Variants in DCX observed in about 807,000 individuals in gnomAD.
The protein encoded by DCX is neuronal migration protein doublecortin.
DCX carries 4 observed loss-of-function variants against 20.9 expected under a neutral mutation model. The observed-to-expected ratio is 0.19, with a 90% confidence interval of 0.09 to 0.44. DCX has a LOEUF of 0.44. Ranked by LOEUF, DCX falls within the 20% of genes least tolerant of loss-of-function variation. DCX has a pLI of 0.99. For missense variants in DCX, 133 were observed against 296.9 expected, an observed-to-expected ratio of 0.45 and a Z score of 4.06; for synonymous variants, 103 against 111.4, an observed-to-expected ratio of 0.92 and a Z score of 0.47.
intron 3 of DCX, among the ~76,000 whole-genome samples, chrX:111,350,944 G>A (rs945695476): frequency 9.0e-6 from 1 of 111,705 alleles, no homozygotes; most frequent in Admixed American, 9.5e-5. Flanking sequence ...CAAGTGAAAG[G>A]GGTTTCCCCC....
intron 5 of DCX, among the ~76,000 whole-genome samples, chrX:111,319,443 T>C (rs775789335): frequency 9.0e-6 from 1 of 111,444 alleles, no homozygotes; most frequent in East Asian, 2.8e-4. Context: ...AGAACATACA[T>C]ACATACAACC....
intron 3 of DCX, among the ~76,000 whole-genome samples, chrX:111,383,846 G>A (rs1280327485): frequency 9.0e-6 from 1 of 111,074 alleles, no homozygotes; most frequent in Admixed American, 9.6e-5. Flanking sequence ...TCTAGGCATT[G>A]AACCTTCTAA....
chrX:111,410,503 A>T (rs1280911575), intron 1 of DCX, 83 bp from the exon 2 acceptor site: 2 of 1,138,038 alleles, frequency 1.8e-6, no homozygotes, highest in African/African-American at 3.6e-5. Flanking sequence ...GGGATTTTAA[A>T]TATTAGCCAG....
At chrX:111,407,550 T>A (rs1406916927) in intron 2 of DCX, among the ~76,000 whole-genome samples, 1 of 111,364 alleles carries the variant, frequency 9.0e-6, no homozygotes, top group Non-Finnish European at 1.9e-5. Flanking sequence ...AAATGGGTAT[T>A]GAGGTCCACT....
At chrX:111,381,402 A>G (rs918472734) in intron 3 of DCX, among the ~76,000 whole-genome samples, 2 of 110,287 alleles carry the variant, frequency 1.8e-5, no homozygotes, top group Admixed American at 2.0e-4. Flanking sequence ...ATATATATCA[A>G]TTGGGACACT....
chrX:111,311,749 T>G (rs1051775789), intron 6 of DCX, among the ~76,000 whole-genome samples: 5 of 112,589 alleles, frequency 4.4e-5, no homozygotes, highest in Admixed American at 2.8e-4. Flanking sequence ...CAAATAAAAC[T>G]AATTTATCTC....
rs757481095 is a variant in DCX, at chrX:111,311,542, C to T, written c.1044+1097G>A. On this transcript the variant is annotated intron_variant, in intron 6 of 6. Coordinates refer to ENST00000636035, the MANE Select transcript of DCX (RefSeq NM_001195553.2). Reference sequence around the variant, plus strand: ...CAAATTCAAGTTAAAAACGTGATGTCACTCAATACAGAGTTGAGAAGCAAT... The same window carrying T: ...CAAATTCAAGTTAAAAACGTGATGTTACTCAATACAGAGTTGAGAAGCAAT... 8.1e-4 allele frequency among the ~76,000 whole-genome samples: 91 copies of T among 111,756 alleles called. 1 individual carries two copies. The highest frequency in any genetic ancestry group is 2.6e-3 in the African/African-American group (81 of 30,780).
intron 3 of DCX, among the ~76,000 whole-genome samples, chrX:111,387,489 C>G (rs183518764): frequency 2.3e-4 from 26 of 111,613 alleles, no homozygotes; most frequent in African/African-American, 7.8e-4. Flanking sequence ...TCAGAGAAAT[C>G]TGGGAAAGCA....
intron 5 of DCX, among the ~76,000 whole-genome samples, 192 bp from the exon 6 acceptor site, chrX:111,312,928 G>C (rs1362706165): frequency 1.8e-5 from 2 of 111,812 alleles, no homozygotes; most frequent in African/African-American, 6.5e-5. Context: ...TCAGTTAATT[G>C]GATCCCTATG....
In DCX at chrX:111,410,584, C is replaced by T. The variant is rs987175249; in HGVS notation, c.-22-164G>A. 17 of 842,175 alleles carry T rather than the reference C, an allele frequency of 2.0e-5. No homozygotes were observed. The African/African-American group carries it at 2.7e-4, about 13-fold the overall frequency. The allele number at this position is 842,175 out of a possible 1,213,427, so 69.4% of individuals were successfully genotyped here. A position where few individuals can be genotyped will look rare whatever the true frequency, so the allele number is the denominator to read the frequency against. On this transcript the variant is annotated intron_variant, in intron 1 of 6. Coordinates refer to ENST00000636035, the MANE Select transcript of DCX (RefSeq NM_001195553.2). ...AAGCCTGTGACCCATCTGCTGCTTG[C>T]CCCTGACCTGCAGGAATATTGATCT... is the stretch of plus-strand genomic sequence containing the variant.
intron 3 of DCX, among the ~76,000 whole-genome samples, chrX:111,381,243 C>G (rs1284502533): frequency 2.7e-5 from 3 of 109,925 alleles, no homozygotes; most frequent in African/African-American, 6.6e-5. Flanking sequence ...TTTAGCTAAA[C>G]TTAACAAGGT....
chrX:111,400,712 CT>C (rs761848739), intron 3 of DCX, among the ~76,000 whole-genome samples: 6 of 112,206 alleles, frequency 5.3e-5, no homozygotes, highest in Non-Finnish European at 1.1e-4. Flanking sequence ...TTCATAGAAC[CT>C]AGGTTCTAAC....
At chrX:111,320,032 T>C (rs1029404550) in intron 5 of DCX, among the ~76,000 whole-genome samples, 4 of 112,540 alleles carry the variant, frequency 3.6e-5, no homozygotes, top group Admixed American at 9.4e-5. Flanking sequence ...TCAACAAGCA[T>C]TTTGGAAATC....
chrX:111,347,050 C>G (rs1318540852), intron 3 of DCX, among the ~76,000 whole-genome samples: 1 of 111,515 alleles, frequency 9.0e-6, no homozygotes, highest in Non-Finnish European at 1.9e-5. Flanking sequence ...AGAGACCTCA[C>G]CTGTTTGTTC....
intron 3 of DCX, among the ~76,000 whole-genome samples, chrX:111,371,537 T>C (rs777217468): frequency 8.4e-4 from 94 of 111,661 alleles, no homozygotes; most frequent in African/African-American, 2.9e-3. Context: ...ATAGGAATCA[T>C]AATAGTACCT....
At chrX:111,384,001 A>G (rs1284987029) in intron 3 of DCX, among the ~76,000 whole-genome samples, 1 of 111,602 alleles carries the variant, frequency 9.0e-6, no homozygotes, top group Non-Finnish European at 1.9e-5. Flanking sequence ...GAGGGGTTAA[A>G]GGACGGCTGA....
chrX:111,378,314 C>T (rs182492881), intron 3 of DCX, among the ~76,000 whole-genome samples: 59 of 111,275 alleles, frequency 5.3e-4, no homozygotes, highest in Non-Finnish European at 9.6e-4. Context: ...CAAACATTAG[C>T]GTGTACGTGA....
At chrX:111,410,853 T>A in intron 1 of DCX, 1 of 1,211,076 alleles carries the variant, frequency 8.3e-7, no homozygotes, top group Non-Finnish European at 1.1e-6. Flanking sequence ...TGTAAATGAA[T>A]CCATAGCCTG....
At chrX:111,328,264 G>C (rs887895947) in intron 5 of DCX, among the ~76,000 whole-genome samples, 9 of 111,090 alleles carry the variant, frequency 8.1e-5, no homozygotes, top group African/African-American at 2.9e-4. Flanking sequence ...GCCTGCCAAA[G>C]CCTGGGTTGG....
Sources: allele counts gnomAD v4.1 joint callset (sites outside exome capture counted in the v4.1 genomes callset), GRCh38; gene constraint gnomAD v4.1.1; transcripts MANE v1.5; gene names NCBI Gene and HGNC (gene_info 2026-07-23, HGNC 2026-07-21).